PRRC1: variants seen among roughly 807,000 people sequenced by gnomAD.
The protein encoded by PRRC1 is protein PRRC1.
Under a neutral mutation model 40.7 loss-of-function variants are expected in PRRC1, and 39 were observed. That is an observed-to-expected ratio of 0.96 (90% confidence interval 0.74 to 1.25). The LOEUF (loss-of-function observed/expected upper bound fraction) is 1.25. Ranked by LOEUF, PRRC1 falls within the 50% of genes most tolerant of loss-of-function variation. The pLI is 0.00. For missense variants in PRRC1, 573 were observed against 548.3 expected (o/e 1.05, Z -0.45); for synonymous variants, 175 against 193.3 (o/e 0.91, Z 0.79).
intron 5 of PRRC1, among the ~76,000 whole-genome samples, chr5:127,533,324 G>A (rs1297682051): frequency 1.3e-5 from 2 of 151,976 alleles, no homozygotes; most frequent in Non-Finnish European, 2.9e-5. Flanking sequence ...TTAATTTTCC[G>A]TGGAGTATAC....
At position 127,552,822 on chromosome 5, in the gene PRRC1, TCTTA is replaced by T. The variant is rs1458318092; in HGVS notation, c.*910_*913del. ...TTTATTGCTTGTGGGTTAGTATGTC[TCTTA>T]CTTCAATTAAGGTTACTTATTTGGT... On this transcript the variant is annotated 3_prime_UTR_variant, in exon 9 of 9. Transcript: ENST00000296666. 9 of 985,536 alleles carry T rather than the reference TCTTA, an allele frequency of 9.1e-6. No homozygotes were observed. Among genetic ancestry groups the T allele is most frequent in the South Asian group, 4.7e-5 (1 of 21,272 alleles). The allele number at this position is 985,536 out of a possible 1,614,324, so 61.0% of individuals were successfully genotyped here. A position where few individuals can be genotyped will look rare whatever the true frequency, so the allele number is the denominator to read the frequency against.
At chr5:127,523,105 C>A (rs762835704) in intron 1 of PRRC1, among the ~76,000 whole-genome samples, 36 of 152,152 alleles carry the variant, frequency 2.4e-4, no homozygotes, top group Admixed American at 2.1e-3. Flanking sequence ...GGACACCACA[C>A]CTGGCCCAGA....
rs940012041 is a variant in PRRC1 at position 127,553,266 on chromosome 5, C to A, written c.*1350C>A. Reference sequence around the variant, plus strand: ...GGTTTGCTTTGTGTTAATGCCACTTCAAGTCATTATTTGGTTTCTGCTATT... The same window carrying A: ...GGTTTGCTTTGTGTTAATGCCACTTAAAGTCATTATTTGGTTTCTGCTATT... On this transcript the variant is annotated 3_prime_UTR_variant, in exon 9 of 9. Coordinates refer to ENST00000296666, the MANE Select transcript of PRRC1 (RefSeq NM_130809.5). The A allele has an allele frequency of 4.3e-5, 42 of 987,220 alleles. No homozygotes were observed. The highest frequency in any genetic ancestry group is 4.9e-5 in the Non-Finnish European group (41 of 831,378). 61.2% of individuals were successfully genotyped at this position (987,220 alleles called of 1,614,324 possible).
chr5:127,553,458 C>T lies in PRRC1; in HGVS notation c.*1542C>T, dbSNP rs72792019. The T allele has an allele frequency of 0.02, 21,808 of 1,108,146 alleles. 280 individuals are homozygous for T. Among genetic ancestry groups the T allele is most frequent in the Non-Finnish European group, 0.022 (20,132 of 905,782 alleles). 68.6% of individuals were successfully genotyped at this position (1,108,146 alleles called of 1,614,324 possible). A position where few individuals can be genotyped will look rare whatever the true frequency, so the allele number is the denominator to read the frequency against. On this transcript the variant is annotated 3_prime_UTR_variant, in exon 9 of 9. Coordinates refer to ENST00000296666, the MANE Select transcript of PRRC1 (RefSeq NM_130809.5). Reference sequence around the variant, plus strand: ...TAGGTTGCCTTGGTGTACTTTTGTCCAGGAGTAACAGGGACAGAATACTTT... The same window carrying T: ...TAGGTTGCCTTGGTGTACTTTTGTCTAGGAGTAACAGGGACAGAATACTTT...
Position 127,553,962 on chromosome 5 carries a change from C to G in PRRC1, c.*2046C>G. 1 of 1,487,802 alleles carries G rather than the reference C, an allele frequency of 6.7e-7. No individual in the cohort carries two copies. Among genetic ancestry groups the G allele is most frequent in the Non-Finnish European group, 9.0e-7 (1 of 1,111,900 alleles). The allele number at this position is 1,487,802 out of a possible 1,614,324, so 92.2% of individuals were successfully genotyped here. On this transcript the variant is annotated 3_prime_UTR_variant, in exon 9 of 9. Transcript: ENST00000296666. ...ATGGAAGAGAGAAATACATGAACTGCTCTGGCCTCTCTGGTTCTGTTCTTG... is the reference window on the plus strand; with the variant it reads ...ATGGAAGAGAGAAATACATGAACTGGTCTGGCCTCTCTGGTTCTGTTCTTG...
rs981661519 is a variant in PRRC1 at position 127,553,563 on chromosome 5, A to G, written c.*1647A>G. ...ATTTTAAAAGCTATCCTTTTCTAGT[A>G]GTATTTTATCATGGCAATGGCATGA... On this transcript the variant is annotated 3_prime_UTR_variant, in exon 9 of 9. Transcript: ENST00000296666. 2.4e-6 allele frequency: 3 copies of G among 1,250,478 alleles called. No homozygotes were observed. Among genetic ancestry groups the G allele is most frequent in the Admixed American group, 7.6e-5 (2 of 26,190 alleles). The allele number at this position is 1,250,478 out of a possible 1,614,324, so 77.5% of individuals were successfully genotyped here.
At chr5:127,526,018 C>T (rs1018605268) in intron 3 of PRRC1, among the ~76,000 whole-genome samples, 1 of 152,112 alleles carries the variant, frequency 6.6e-6, no homozygotes, top group African/African-American at 2.4e-5. Flanking sequence ...TCAGTTAAAT[C>T]TACTTGTTTT....
chr5:127,544,584 G>A (rs573297049), intron 7 of PRRC1, among the ~76,000 whole-genome samples: 1 of 152,386 alleles, frequency 6.6e-6, no homozygotes, highest in East Asian at 1.9e-4. Context: ...CTGGGCAATG[G>A]CGGGCGCCCC....
intron 5 of PRRC1, among the ~76,000 whole-genome samples, chr5:127,532,399 G>A (rs953088491): frequency 2.6e-5 from 4 of 152,098 alleles, no homozygotes; most frequent in East Asian, 1.9e-4. Context: ...GAACCACCGC[G>A]CCCGGCCATC....
At chr5:127,521,013 C>T (rs1471610915) in intron 1 of PRRC1, among the ~76,000 whole-genome samples, 1 of 152,118 alleles carries the variant, frequency 6.6e-6, no homozygotes, top group African/African-American at 2.4e-5. Context: ...ATGCTACCCT[C>T]AGCTTGAATG....
chr5:127,537,538 T>G (rs1767931207), intron 6 of PRRC1, among the ~76,000 whole-genome samples: 1 of 151,906 alleles, frequency 6.6e-6, no homozygotes, highest in Non-Finnish European at 1.5e-5. Flanking sequence ...AGGAACTAAT[T>G]AATTTTAATT....
intron 5 of PRRC1, among the ~76,000 whole-genome samples, chr5:127,530,624 A>C (rs1200314324): frequency 1.3e-5 from 2 of 152,174 alleles, no homozygotes; most frequent in East Asian, 3.8e-4. Context: ...TGATCCTAGA[A>C]GGAGTAAAAA....
intron 4 of PRRC1, among the ~76,000 whole-genome samples, chr5:127,527,178 T>A (rs1427004060): frequency 1.3e-5 from 2 of 152,106 alleles, no homozygotes; most frequent in Admixed American, 1.3e-4. Context: ...ATTGTAATTA[T>A]TTTTTTTAAA....
chr5:127,552,964 T>A lies in PRRC1; in HGVS notation c.*1048T>A. 1.2e-6 allele frequency: 1 copy of A among 852,394 alleles called. No individual in the cohort carries two copies. Among genetic ancestry groups the A allele is most frequent in the Non-Finnish European group, 1.4e-6 (1 of 709,592 alleles). The allele number at this position is 852,394 out of a possible 1,614,324, so 52.8% of individuals were successfully genotyped here. A position where few individuals can be genotyped will look rare whatever the true frequency, so the allele number is the denominator to read the frequency against. On this transcript the variant is annotated 3_prime_UTR_variant, in exon 9 of 9. Coordinates refer to ENST00000296666, the MANE Select transcript of PRRC1 (RefSeq NM_130809.5). ...TAGTTTATTTAGTCTACTGTATTTC[T>A]ATTTCGTGGAAGCCTTTTCCCCTCA...
At chr5:127,522,754 G>T (rs575007206) in intron 1 of PRRC1, among the ~76,000 whole-genome samples, 2 of 151,388 alleles carry the variant, frequency 1.3e-5, no homozygotes, top group Non-Finnish European at 1.5e-5. Context: ...AAGAGGAAGG[G>T]CTTCAAAAAT....
chr5:127,526,878 T>A (rs1767631984), intron 4 of PRRC1, 100 bp downstream of exon 4: 1 of 1,094,522 alleles, frequency 9.1e-7, no homozygotes, highest in South Asian at 2.2e-5. Context: ...CAAGGAAAAA[T>A]AAAATTCTTT....
chr5:127,526,641 C>T lies in PRRC1; in HGVS notation c.517C>T (p.Gln173Ter), dbSNP rs1767621546. 9.3e-6 allele frequency: 15 copies of T among 1,612,690 alleles called. No individual in the cohort carries two copies. The highest frequency in any genetic ancestry group is 1.1e-5 in the Non-Finnish European group (13 of 1,179,396). Reference protein sequence around the residue: ...GTGLLPTPITQQASLTSLAQG... With the variant: ...GTGLLPTPIT ...AGGTCTTTTGCCAACTCCTATTACT[C>T]AGCAAGCCAGTTTGACATCTCTGGC... Residue 173 changes from glutamine to a stop codon, truncating the protein, a stop_gained, in exon 4 of 9, where the codon CAG (glutamine) becomes TAG (stop). Coordinates refer to ENST00000296666, the MANE Select transcript of PRRC1 (RefSeq NM_130809.5). LOFTEE classifies it high-confidence loss of function.
chr5:127,544,977 C>CA (rs1171240732), intron 7 of PRRC1, among the ~76,000 whole-genome samples: 4 of 152,236 alleles, frequency 2.6e-5, no homozygotes, highest in African/African-American at 9.6e-5. Context: ...CTGCGTCGCT[C>CA]ACGCTGGGAG....
intron 5 of PRRC1, among the ~76,000 whole-genome samples, chr5:127,532,736 T>C (rs1476115944): frequency 2.0e-5 from 3 of 152,208 alleles, no homozygotes; most frequent in Non-Finnish European, 4.4e-5. Context: ...TTTGAAAATA[T>C]CTTTCCCTGT....
Sources: gnomAD v4.1 joint callset for allele counts (sites outside exome capture counted in the v4.1 genomes callset) on GRCh38, gnomAD v4.1.1 for gene constraint, MANE v1.5 for transcripts, NCBI Gene and HGNC (gene_info 2026-07-23, HGNC 2026-07-21) for gene names.